Variants in UBL3 observed in about 807,000 individuals in gnomAD.
UBL3 encodes ubiquitin like 3.
UBL3 carries 6 observed loss-of-function variants against 18.4 expected under a neutral mutation model. The observed-to-expected ratio is 0.33, with a 90% CI of 0.18 to 0.64. UBL3 has a LOEUF of 0.64. UBL3 is among the 30% of genes least tolerant of loss of function. The pLI is 0.76. For synonymous variants in UBL3, 49 were observed against 46.6 expected (o/e 1.05, Z -0.21); for missense variants, 109 against 142.9 (o/e 0.76, Z 1.21).
At chr13:29,791,443 G>T (rs1027823748) in intron 1 of UBL3, among the ~76,000 whole-genome samples, 5 of 152,142 alleles carry the variant, frequency 3.3e-5, no homozygotes, top group Non-Finnish European at 7.3e-5. Flanking sequence ...GGACACTAAG[G>T]TTAAGTAACT....
chr13:29,787,373 TCTTTC>T (rs756625318), intron 1 of UBL3, among the ~76,000 whole-genome samples: 3 of 152,210 alleles, frequency 2.0e-5, no homozygotes, highest in Non-Finnish European at 2.9e-5. Flanking sequence ...TATATAATGC[TCTTTC>T]CTTTAGTACT....
intron 1 of UBL3, among the ~76,000 whole-genome samples, chr13:29,777,835 T>G (rs1877042873): frequency 6.6e-6 from 1 of 152,174 alleles, no homozygotes; most frequent in Non-Finnish European, 1.5e-5. Context: ...GGTACAATCT[T>G]GGCTCACTGC....
chr13:29,797,007 A>T (rs894399180), intron 1 of UBL3, among the ~76,000 whole-genome samples: 15 of 152,218 alleles, frequency 9.9e-5, no homozygotes, highest in African/African-American at 3.6e-4. Context: ...TGTCTCTTTA[A>T]CCACTGACTT....
chr13:29,770,880 T>C (rs1237046662), intron 3 of UBL3, among the ~76,000 whole-genome samples: 1 of 152,058 alleles, frequency 6.6e-6, no homozygotes, highest in African/African-American at 2.4e-5. Flanking sequence ...TATCTCTTAG[T>C]AGATAGCAGC....
chr13:29,834,083 A>G (rs1878858059), intron 1 of UBL3, among the ~76,000 whole-genome samples: 1 of 151,792 alleles, frequency 6.6e-6, no homozygotes, highest in East Asian at 1.9e-4. Flanking sequence ...GCTACTCAGG[A>G]GGCTGAGGCA....
chr13:29,788,870 T>TGTGTGTGTGTGC (rs1180662351), intron 1 of UBL3, among the ~76,000 whole-genome samples: 22 of 20,916 alleles, frequency 1.1e-3, no homozygotes, highest in East Asian at 5.2e-3. Context: ...TGTGTGTGTG[T>TGTGTGTGTGTGC]GCGCGCGCGC....
At chr13:29,820,616 A>G (rs1254414595) in intron 1 of UBL3, among the ~76,000 whole-genome samples, 1 of 152,208 alleles carries the variant, frequency 6.6e-6, no homozygotes, top group Non-Finnish European at 1.5e-5. Flanking sequence ...AAACTATTAT[A>G]TCAAGCTTTT....
At chr13:29,767,379 A>G (rs1876717270) in intron 4 of UBL3, 72 bp from the exon 5 acceptor site, 8 of 1,545,564 alleles carry the variant, frequency 5.2e-6, no homozygotes, top group South Asian at 2.3e-5. Flanking sequence ...TAGGCAATCA[A>G]GTGTAGGAAG....
chr13:29,780,293 G>A (rs1877113817), intron 1 of UBL3, among the ~76,000 whole-genome samples: 1 of 144,428 alleles, frequency 6.9e-6, no homozygotes, highest in African/African-American at 2.6e-5. Flanking sequence ...GGTGGAGCTT[G>A]CAGTGAGCCA....
At chr13:29,804,606 A>T (rs1877854298) in intron 1 of UBL3, among the ~76,000 whole-genome samples, 1 of 152,126 alleles carries the variant, frequency 6.6e-6, no homozygotes, top group African/African-American at 2.4e-5. Context: ...AAGAAATGAC[A>T]AAGGGAGCAT....
intron 1 of UBL3, among the ~76,000 whole-genome samples, chr13:29,848,871 A>C (rs1879293488): frequency 6.6e-6 from 1 of 152,244 alleles, no homozygotes; most frequent in African/African-American, 2.4e-5. Flanking sequence ...CTAATATGGA[A>C]TCTACTATTA....
intron 1 of UBL3, among the ~76,000 whole-genome samples, chr13:29,839,319 T>C (rs1290842923): frequency 1.3e-5 from 2 of 152,028 alleles, no homozygotes; most frequent in East Asian, 3.9e-4. Context: ...TAGAAATCAA[T>C]AACAAAAATA....
chr13:29,844,108 G>C (rs1879175145), intron 1 of UBL3, among the ~76,000 whole-genome samples: 1 of 152,158 alleles, frequency 6.6e-6, no homozygotes, highest in Non-Finnish European at 1.5e-5. Flanking sequence ...GAAAAACTCT[G>C]AGAAACTCAT....
At position 29,765,976 on chromosome 13, in the gene UBL3, A is replaced by G. The variant is rs1211603552; in HGVS notation, c.*1279T>C. 6.6e-6 allele frequency: 1 copy of G among 152,558 alleles called. No individual in the cohort carries two copies. Among genetic ancestry groups the G allele is most frequent in the Non-Finnish European group, 1.5e-5 (1 of 68,012 alleles). 9.5% of individuals were successfully genotyped at this position (152,558 alleles called of 1,614,324 possible). A position where few individuals can be genotyped will look rare whatever the true frequency, so the allele number is the denominator to read the frequency against. ...TGTTCTGTATACTACGCGCCAATCT[A>G]TATTTTAAGTCCTGTAGTTAGGTAT... On this transcript the variant is annotated 3_prime_UTR_variant, in exon 5 of 5. Transcript: ENST00000380680.
intron 2 of UBL3, among the ~76,000 whole-genome samples, chr13:29,773,178 T>C (rs1396282883): frequency 6.6e-6 from 1 of 152,226 alleles, no homozygotes; most frequent in East Asian, 1.9e-4. Context: ...AGGAAGTAAC[T>C]AGAGACTTTT....
chr13:29,794,809 T>C (rs1051638343), intron 1 of UBL3, among the ~76,000 whole-genome samples: 2 of 152,248 alleles, frequency 1.3e-5, no homozygotes, highest in African/African-American at 4.8e-5. Flanking sequence ...TGCTTAAATA[T>C]TCAAGACCTG....
chr13:29,837,494 A>G (rs1404230675), intron 1 of UBL3, among the ~76,000 whole-genome samples: 3 of 152,204 alleles, frequency 2.0e-5, no homozygotes, highest in African/African-American at 2.4e-5. Flanking sequence ...AAAAGAATGG[A>G]AACAGTGACA....
In UBL3 at chr13:29,767,234, A is replaced by G. The variant is rs1252878810; in HGVS notation, c.*21T>C. 6.2e-7 allele frequency: 1 copy of G among 1,612,488 alleles called. No individual in the cohort carries two copies. The highest frequency in any genetic ancestry group is 1.7e-5 in the Admixed American group (1 of 59,906). On this transcript the variant is annotated 3_prime_UTR_variant, in exon 5 of 5. Coordinates refer to ENST00000380680, the MANE Select transcript of UBL3 (RefSeq NM_007106.4). ...GCATGAAAGACAAAGACTATATCAC[A>G]TCACACTAGGCAGACAGTGTTTACA...
chr13:29,827,126 A>C (rs1313173316), intron 1 of UBL3, among the ~76,000 whole-genome samples: 1 of 152,210 alleles, frequency 6.6e-6, no homozygotes, highest in East Asian at 1.9e-4. Context: ...ATTTTGGAAT[A>C]AGTGCGATGT....
Sources: allele counts gnomAD v4.1 joint callset (sites outside exome capture counted in the v4.1 genomes callset), GRCh38; gene constraint gnomAD v4.1.1; transcripts MANE v1.5; gene names NCBI Gene and HGNC (gene_info 2026-07-23, HGNC 2026-07-21).